The following SLC9A9 variants were observed in gnomAD, a reference collection of about 807,000 sequenced individuals.
SLC9A9 encodes solute carrier family 9 member A9, also known as sodium/hydrogen exchanger 9.
A neutral mutation model predicts 77.8 loss-of-function variants in SLC9A9; 62 were observed. The ratio of observed to expected loss-of-function variants is 0.80; its 90% CI spans 0.65 to 0.98. The LOEUF is 0.98. SLC9A9 is among the 50% of genes least tolerant of loss of function. The probability of loss-of-function intolerance (pLI) is 0.00; values close to 1 mark genes in which losing one functional copy is unlikely to be tolerated. For missense variants in SLC9A9, 775 were observed against 774.9 expected (o/e 1.00, Z 0.00); for synonymous variants, 320 against 283.5 (o/e 1.13, Z -1.29).
chr3:143,293,981 T>A (rs1559855664), intron 14 of SLC9A9, among the ~76,000 whole-genome samples: 1 of 152,082 alleles, frequency 6.6e-6, no homozygotes, highest in African/African-American at 2.4e-5. Flanking sequence ...ACAAATACAA[T>A]GAGATAATAA....
intron 14 of SLC9A9, chr3:143,347,170 A>G (rs146145913): frequency 7.2e-5 from 11 of 152,148 alleles, no homozygotes; most frequent in African/African-American, 2.4e-4. Flanking sequence ...TGACAGGTCA[A>G]ATTTTTCTCA....
At chr3:143,421,233 C>T (rs950121420) in intron 12 of SLC9A9, among the ~76,000 whole-genome samples, 50 of 152,104 alleles carry the variant, frequency 3.3e-4, no homozygotes, top group Non-Finnish European at 3.2e-4. Flanking sequence ...TATCAGACTA[C>T]CAATGTCATT....
chr3:143,792,522 C>T (rs546589325), intron 4 of SLC9A9, among the ~76,000 whole-genome samples: 2 of 152,232 alleles, frequency 1.3e-5, no homozygotes, highest in African/African-American at 4.8e-5. Context: ...AATTCCTATC[C>T]CATTTGACCT....
intron 11 of SLC9A9, among the ~76,000 whole-genome samples, chr3:143,475,883 T>A (rs1488351388): frequency 6.6e-6 from 1 of 151,958 alleles, no homozygotes; most frequent in East Asian, 1.9e-4. Flanking sequence ...GGATCTATCC[T>A]TTAAAAGAAA....
intron 11 of SLC9A9, among the ~76,000 whole-genome samples, chr3:143,469,449 T>C (rs1192586676): frequency 6.6e-6 from 1 of 152,234 alleles, no homozygotes; most frequent in Non-Finnish European, 1.5e-5. Flanking sequence ...ATCATACATA[T>C]AAAATCTCAA....
At chr3:143,774,953 G>A (rs544286582) in intron 4 of SLC9A9, among the ~76,000 whole-genome samples, 5 of 152,170 alleles carry the variant, frequency 3.3e-5, no homozygotes, top group Middle Eastern at 3.4e-3. Context: ...GCTCCACCAC[G>A]AACCTTTGTC....
chr3:143,723,932 G>A (rs7645701), intron 4 of SLC9A9, among the ~76,000 whole-genome samples: 45,978 of 152,084 alleles, frequency 0.3, 7,516 homozygotes, highest in East Asian at 0.62. Context: ...AGTTTGAGAC[G>A]CTTTGCCTAT....
At chr3:143,397,712 C>A (rs1403487082) in intron 12 of SLC9A9, among the ~76,000 whole-genome samples, 3 of 152,068 alleles carry the variant, frequency 2.0e-5, no homozygotes, top group Non-Finnish European at 4.4e-5. Context: ...GCAGTGAGAT[C>A]TCAGGGTGAG....
At chr3:143,432,334 G>C (rs1434066800) in intron 12 of SLC9A9, among the ~76,000 whole-genome samples, 1 of 152,126 alleles carries the variant, frequency 6.6e-6, no homozygotes, top group Non-Finnish European at 1.5e-5. Context: ...GCCCTGGAAA[G>C]GTTCTCAGTG....
At chr3:143,268,239 C>T (rs1280600791) in intron 15 of SLC9A9, among the ~76,000 whole-genome samples, 3 of 152,120 alleles carry the variant, frequency 2.0e-5, no homozygotes, top group African/African-American at 7.2e-5. Flanking sequence ...TTTTTCATTC[C>T]ACTCCCTTGA....
At chr3:143,770,580 C>T (rs184319751) in intron 4 of SLC9A9, among the ~76,000 whole-genome samples, 1 of 151,882 alleles carries the variant, frequency 6.6e-6, no homozygotes, top group Non-Finnish European at 1.5e-5. Flanking sequence ...ATCAAATAAT[C>T]CAAACATAAA....
intron 14 of SLC9A9, among the ~76,000 whole-genome samples, chr3:143,271,663 C>G (rs754126906): frequency 2.6e-5 from 4 of 152,170 alleles, no homozygotes; most frequent in Non-Finnish European, 5.9e-5. Flanking sequence ...CCCTAAACAG[C>G]TATTTTTGTT....
At chr3:143,676,400 A>G (rs76976694) in intron 5 of SLC9A9, among the ~76,000 whole-genome samples, 4,982 of 152,314 alleles carry the variant, frequency 0.033, 249 homozygotes, top group African/African-American at 0.11. Flanking sequence ...AAAACAAACA[A>G]ACAAACAAAA....
At chr3:143,501,619 A>G (rs2035924435) in intron 9 of SLC9A9, among the ~76,000 whole-genome samples, 1 of 150,868 alleles carries the variant, frequency 6.6e-6, no homozygotes, top group Non-Finnish European at 1.5e-5. Flanking sequence ...GTTTTTAAAA[A>G]CCTTTGACAA....
intron 8 of SLC9A9, among the ~76,000 whole-genome samples, chr3:143,554,892 G>A (rs2036953686): frequency 6.6e-6 from 1 of 152,134 alleles, no homozygotes; most frequent in Admixed American, 6.5e-5. Context: ...GAGCAGACAG[G>A]TCTTCTCCAT....
At chr3:143,626,532 C>T (rs866566766) in intron 6 of SLC9A9, among the ~76,000 whole-genome samples, 25 of 151,782 alleles carry the variant, frequency 1.6e-4, no homozygotes, top group South Asian at 8.3e-4. Context: ...AACCAAACAC[C>T]GCATGTTCTC....
At chr3:143,309,381 T>TC (rs1371921659) in intron 14 of SLC9A9, among the ~76,000 whole-genome samples, 1 of 150,666 alleles carries the variant, frequency 6.6e-6, no homozygotes, top group Non-Finnish European at 1.5e-5. Context: ...TTGCAATTAT[T>TC]CTTTGAGTAA....
intron 6 of SLC9A9, chr3:143,620,761 A>T (rs1236031673): frequency 1.3e-5 from 2 of 152,906 alleles, no homozygotes; most frequent in Non-Finnish European, 2.9e-5. Flanking sequence ...GAGTGTCAGA[A>T]AGTGGGTGCA....
At chr3:143,674,636 A>T (rs1028998270) in intron 5 of SLC9A9, among the ~76,000 whole-genome samples, 1 of 152,122 alleles carries the variant, frequency 6.6e-6, no homozygotes, top group Non-Finnish European at 1.5e-5. Context: ...AGCTGGTGGC[A>T]TCTCAAGAGG....
Sources: allele counts gnomAD v4.1 joint callset (sites outside exome capture counted in the v4.1 genomes callset), GRCh38; gene constraint gnomAD v4.1.1; transcripts MANE v1.5; gene names NCBI Gene and HGNC (gene_info 2026-07-23, HGNC 2026-07-21).